ODAD2: variants seen among roughly 807,000 people sequenced by gnomAD.
The protein encoded by ODAD2 is outer dynein arm docking complex subunit 2.
A neutral mutation model predicts 106.8 loss-of-function variants in ODAD2; 89 were observed. The ratio of observed to expected loss-of-function variants is 0.83; its 90% CI spans 0.70 to 0.99. The LOEUF (loss-of-function observed/expected upper bound fraction) is 0.99, where lower values mean the gene tolerates loss of function less well. ODAD2 is among the 50% of genes least tolerant of loss of function. The pLI, the probability that ODAD2 is intolerant of heterozygous loss-of-function variation, is 0.00. For synonymous variants in ODAD2, 404 were observed against 436.2 expected (o/e 0.93, Z 0.92); for missense variants, 1,168 against 1,238.5 (o/e 0.94, Z 0.85).
chr10:27,814,358 C>T (rs186468487), intron 19 of ODAD2, among the ~76,000 whole-genome samples: 2 of 152,300 alleles, frequency 1.3e-5, no homozygotes, highest in Non-Finnish European at 2.9e-5. Flanking sequence ...CCCCTTCCCA[C>T]CCGGCTGTCT....
intron 17 of ODAD2, among the ~76,000 whole-genome samples, chr10:27,900,162 C>A (rs919255747): frequency 5.9e-5 from 9 of 152,168 alleles, no homozygotes; most frequent in African/African-American, 2.2e-4. Context: ...GCTCATGATA[C>A]CCAGGCAAAC....
intron 14 of ODAD2, among the ~76,000 whole-genome samples, chr10:27,937,566 T>G (rs1200006836): frequency 6.6e-6 from 1 of 152,190 alleles, no homozygotes; most frequent in Non-Finnish European, 1.5e-5. Flanking sequence ...AATAAATATT[T>G]ACTGCACAGA....
At chr10:27,860,504 AGCAG>A in intron 19 of ODAD2, 117 bp downstream of exon 19, 1 of 846,252 alleles carries the variant, frequency 1.2e-6, no homozygotes, top group Non-Finnish European at 1.9e-6. Flanking sequence ...GCCATGATGC[AGCAG>A]GCAGGCACTT....
chr10:27,901,187 C>A (rs1408162792), intron 17 of ODAD2, among the ~76,000 whole-genome samples: 1 of 152,146 alleles, frequency 6.6e-6, no homozygotes, highest in African/African-American at 2.4e-5. Context: ...GAATTTTCAA[C>A]CCAGAGTTTC....
chr10:27,938,494 T>G (rs1320808181), intron 14 of ODAD2, among the ~76,000 whole-genome samples: 1 of 152,146 alleles, frequency 6.6e-6, no homozygotes, highest in African/African-American at 2.4e-5. Context: ...GAAATAAATT[T>G]CGGCTGTTCA....
chr10:27,873,911 T>C (rs1040330051), intron 17 of ODAD2, among the ~76,000 whole-genome samples: 23 of 152,310 alleles, frequency 1.5e-4, no homozygotes, highest in African/African-American at 5.3e-4. Context: ...TGGATATCCT[T>C]GTTAACTTTC....
chr10:27,962,508 A>G (rs987831999), intron 9 of ODAD2, among the ~76,000 whole-genome samples: 8 of 152,204 alleles, frequency 5.3e-5, no homozygotes, highest in African/African-American at 1.9e-4. Context: ...CATAATGCCT[A>G]CACTGAAGTA....
chr10:27,850,693 G>T (rs898978039), intron 19 of ODAD2, among the ~76,000 whole-genome samples: 1 of 152,100 alleles, frequency 6.6e-6, no homozygotes, highest in Non-Finnish European at 1.5e-5. Context: ...ATGGAGTAAC[G>T]GGGACTGGAT....
intron 19 of ODAD2, among the ~76,000 whole-genome samples, chr10:27,813,070 T>A (rs1481662833): frequency 2.0e-5 from 3 of 152,238 alleles, no homozygotes; most frequent in South Asian, 4.1e-4. Context: ...CAGTGCCAAC[T>A]AACTAGAGCT....
intron 8 of ODAD2, 57 bp downstream of exon 8, chr10:27,971,051 T>G (rs1399801901): frequency 1.1e-6 from 1 of 880,170 alleles, no homozygotes; most frequent in African/African-American, 1.7e-5. Flanking sequence ...CTGTGAAAAA[T>G]TAGGTGAGTA....
At chr10:27,942,077 G>A (rs993674009) in intron 12 of ODAD2, among the ~76,000 whole-genome samples, 5 of 152,154 alleles carry the variant, frequency 3.3e-5, no homozygotes, top group Non-Finnish European at 7.4e-5. Flanking sequence ...AAGACCGTGG[G>A]ATTGAACACA....
rs532005132 is a variant in ODAD2 at position 27,860,498 on chromosome 10, T to C, written c.3021+127A>G. ...ATAACACATGGCTTGAATGCAGCCA[T>C]GATGCAGCAGGCAGGCACTTTTGTG... is the stretch of plus-strand genomic sequence containing the variant. On this transcript the variant is annotated intron_variant, in intron 19 of 19. Coordinates refer to ENST00000305242, the MANE Select transcript of ODAD2 (RefSeq NM_018076.5). The C allele has an allele frequency of 7.6e-6, 6 of 793,940 alleles. No individual in the cohort carries two copies. The East Asian group carries it at 1.0e-4, about 14-fold the overall frequency. 49.2% of individuals were successfully genotyped at this position (793,940 alleles called of 1,614,324 possible).
Position 27,870,689 on chromosome 10 carries a change from C to A in ODAD2, c.2611-8067G>T, listed in dbSNP as rs186602432. Among the ~76,000 whole-genome samples the A allele has an allele frequency of 2.4e-3, 370 of 152,194 alleles. 2 individuals are homozygous for A. The highest frequency in any genetic ancestry group is 8.5e-3 in the African/African-American group (354 of 41,528). ...TCCCTACAAAGGACATGAACTCATCCTTTTTTATGGCTGCATAGTATTACA... is the reference window on the plus strand; with the variant it reads ...TCCCTACAAAGGACATGAACTCATCATTTTTTATGGCTGCATAGTATTACA... On this transcript the variant is annotated intron_variant, in intron 17 of 19. Coordinates refer to ENST00000305242, the MANE Select transcript of ODAD2 (RefSeq NM_018076.5).
At chr10:27,859,725 A>T (rs1254985757) in intron 19 of ODAD2, among the ~76,000 whole-genome samples, 1 of 152,172 alleles carries the variant, frequency 6.6e-6, no homozygotes, top group Non-Finnish European at 1.5e-5. Context: ...CTGTTCATGT[A>T]CTCTAAGTAT....
intron 13 of ODAD2, 101 bp downstream of exon 13, chr10:27,940,461 GA>G (rs1328839913): frequency 7.1e-7 from 1 of 1,416,538 alleles, no homozygotes; most frequent in Non-Finnish European, 9.6e-7. Flanking sequence ...CTGACTTCTA[GA>G]AAAAGAATGT....
chr10:27,976,605 A>G (rs1469233727), intron 7 of ODAD2, among the ~76,000 whole-genome samples: 1 of 152,304 alleles, frequency 6.6e-6, no homozygotes, highest in East Asian at 1.9e-4. Flanking sequence ...TAAGACCTAA[A>G]TAAATGGAGA....
intron 19 of ODAD2, among the ~76,000 whole-genome samples, chr10:27,850,789 A>T (rs139977682): frequency 1.8e-4 from 27 of 152,334 alleles, no homozygotes; most frequent in African/African-American, 5.8e-4. Context: ...ACAACAAAAG[A>T]CAGTGATTCT....
intron 10 of ODAD2, among the ~76,000 whole-genome samples, chr10:27,954,766 G>T (rs73606018): frequency 3.3e-5 from 5 of 152,138 alleles, no homozygotes; most frequent in African/African-American, 4.8e-5. Flanking sequence ...TGGGAAAGAC[G>T]GAGAGGAGCC....
chr10:27,827,374 ACAC>A, intron 19 of ODAD2, among the ~76,000 whole-genome samples: 1 of 80,298 alleles, frequency 1.2e-5, no homozygotes, highest in East Asian at 3.8e-4. Context: ...ATACACACAC[ACAC>A]ACTATATATA....
Sources: allele counts gnomAD v4.1 joint callset (sites outside exome capture counted in the v4.1 genomes callset), GRCh38; gene constraint gnomAD v4.1.1; transcripts MANE v1.5; gene names NCBI Gene and HGNC (gene_info 2026-07-23, HGNC 2026-07-21).